ARMC3: variants seen among roughly 807,000 people sequenced by gnomAD.
ARMC3 encodes armadillo repeat-containing protein 3.
ARMC3 carries 74 observed loss-of-function variants against 90.3 expected under a neutral mutation model. That is an observed-to-expected ratio of 0.82 (90% confidence interval 0.68 to 0.99). The LOEUF (loss-of-function observed/expected upper bound fraction) is 0.99, where lower values mean the gene tolerates loss of function less well. Among genes scored for constraint, ARMC3 ranks in the 50% least tolerant of loss-of-function variants. ARMC3 has a pLI of 0.00. For missense variants in ARMC3, 958 were observed against 1,042.8 expected (o/e 0.92, Z 1.12); for synonymous variants, 334 against 361.8 (o/e 0.92, Z 0.87).
intron 4 of ARMC3, among the ~76,000 whole-genome samples, chr10:22,957,544 G>C (rs1834997898): frequency 6.6e-6 from 1 of 152,164 alleles, no homozygotes; most frequent in Non-Finnish European, 1.5e-5. Flanking sequence ...CACCAACTTA[G>C]ACTATGGTAA....
intron 3 of ARMC3, among the ~76,000 whole-genome samples, chr10:22,953,569 A>G (rs1834814798): frequency 6.6e-6 from 1 of 152,188 alleles, no homozygotes; most frequent in Admixed American, 6.5e-5. Flanking sequence ...CCTATGGCTT[A>G]CAACACACTT....
intron 10 of ARMC3, among the ~76,000 whole-genome samples, chr10:22,996,664 CCTCTTCATTACGTTCCTGCCCAGTCA>C (rs1337979995): frequency 6.6e-6 from 1 of 152,122 alleles, no homozygotes; most frequent in Non-Finnish European, 1.5e-5. Context: ...AGCTGCTGTC[CCTCTTCATTACGTTCCTGCCCAGTCA>C]CTGTGGTTCA....
At chr10:22,974,461 A>G (rs1307123896) in intron 8 of ARMC3, among the ~76,000 whole-genome samples, 1 of 152,078 alleles carries the variant, frequency 6.6e-6, no homozygotes, top group African/African-American at 2.4e-5. Context: ...TTATTTTTCT[A>G]TGCTGTTCAT....
At chr10:22,943,663 T>TGGC (rs757416298) in intron 2 of ARMC3, among the ~76,000 whole-genome samples, 2 of 152,286 alleles carry the variant, frequency 1.3e-5, no homozygotes, top group East Asian at 3.9e-4. Flanking sequence ...CCAGGTGAGT[T>TGGC]GGCTCATGCC....
intron 10 of ARMC3, among the ~76,000 whole-genome samples, chr10:22,991,407 A>T (rs892021240): frequency 6.6e-6 from 1 of 151,766 alleles, no homozygotes; most frequent in Non-Finnish European, 1.5e-5. Flanking sequence ...CCCAAAATAC[A>T]GGGAACTTAC....
intron 14 of ARMC3, among the ~76,000 whole-genome samples, chr10:23,007,857 C>A (rs1005546039): frequency 4.6e-5 from 7 of 152,014 alleles, no homozygotes; most frequent in African/African-American, 1.5e-4. Flanking sequence ...TAATCCCAAC[C>A]CTTTGTGAGG....
At chr10:22,971,228 T>A (rs1050050161) in intron 8 of ARMC3, among the ~76,000 whole-genome samples, 2 of 152,296 alleles carry the variant, frequency 1.3e-5, no homozygotes, top group African/African-American at 4.8e-5. Flanking sequence ...CCTCCCTTCT[T>A]AGGGCCAAAG....
chr10:22,938,993 T>G (rs1052090166), intron 2 of ARMC3, among the ~76,000 whole-genome samples: 2 of 152,206 alleles, frequency 1.3e-5, no homozygotes, highest in African/African-American at 4.8e-5. Context: ...TGTGACATGG[T>G]GCTCCCAGAT....
intron 11 of ARMC3, among the ~76,000 whole-genome samples, chr10:23,000,517 C>T (rs1837230460): frequency 2.6e-5 from 4 of 152,116 alleles, no homozygotes; most frequent in Admixed American, 2.6e-4. Context: ...TCCCTGTGTC[C>T]ATGTCATTAA....
intron 7 of ARMC3, among the ~76,000 whole-genome samples, chr10:22,962,288 G>T (rs1055140732): frequency 2.0e-5 from 3 of 152,104 alleles, no homozygotes; most frequent in African/African-American, 7.2e-5. Flanking sequence ...CAGACTTAAG[G>T]TTTTTAAATT....
chr10:22,998,427 A>C, intron 11 of ARMC3, 30 bp downstream of exon 11: 1 of 1,610,876 alleles, frequency 6.2e-7, no homozygotes, highest in Non-Finnish European at 8.5e-7. Context: ...GTGTTCTCTC[A>C]TTTTTCTGGT....
intron 16 of ARMC3, among the ~76,000 whole-genome samples, chr10:23,011,147 A>T (rs751050038): frequency 5.3e-5 from 8 of 152,104 alleles, no homozygotes; most frequent in Admixed American, 2.0e-4. Context: ...AAGAACAAGG[A>T]ATGTTCTAAT....
At chr10:22,928,798 T>G (rs10828375) in intron 1 of ARMC3, among the ~76,000 whole-genome samples, 36,300 of 152,194 alleles carry the variant, frequency 0.24, 5,789 homozygotes, top group African/African-American at 0.45. Context: ...CACTGGAGAT[T>G]ATTAAAGCAA....
intron 1 of ARMC3, among the ~76,000 whole-genome samples, chr10:22,929,544 A>T (rs1046846795): frequency 4.6e-5 from 7 of 152,106 alleles, no homozygotes; most frequent in African/African-American, 1.7e-4. Context: ...GTGATAAAAC[A>T]CATAGGCTTT....
intron 3 of ARMC3, among the ~76,000 whole-genome samples, chr10:22,950,829 C>T (rs1308230077): frequency 6.6e-6 from 1 of 151,132 alleles, no homozygotes; most frequent in East Asian, 1.9e-4. Context: ...GCATTAGTAA[C>T]AGAAATATTA....
At chr10:22,974,215 C>G (rs1303332650) in intron 8 of ARMC3, among the ~76,000 whole-genome samples, 3 of 152,016 alleles carry the variant, frequency 2.0e-5, no homozygotes, top group Non-Finnish European at 4.4e-5. Context: ...AAAAAAAATT[C>G]TGGAGACTCC....
At chr10:22,948,492 C>T (rs1273869749) in intron 3 of ARMC3, among the ~76,000 whole-genome samples, 2 of 151,538 alleles carry the variant, frequency 1.3e-5, no homozygotes, top group Non-Finnish European at 2.9e-5. Flanking sequence ...CTGGCCATGA[C>T]GGACCACTCT....
intron 16 of ARMC3, among the ~76,000 whole-genome samples, chr10:23,018,073 C>T (rs918719410): frequency 6.6e-6 from 1 of 152,166 alleles, no homozygotes; most frequent in Non-Finnish European, 1.5e-5. Flanking sequence ...CATTTATTTG[C>T]ATATCACTGG....
At chr10:22,933,758 G>T (rs555061336) in intron 2 of ARMC3, among the ~76,000 whole-genome samples, 1 of 152,114 alleles carries the variant, frequency 6.6e-6, no homozygotes, top group African/African-American at 2.4e-5. Context: ...GGTGGCAGGC[G>T]CTGGTAGTCC....
Sources: allele counts gnomAD v4.1 joint callset (sites outside exome capture counted in the v4.1 genomes callset), GRCh38; gene constraint gnomAD v4.1.1; transcripts MANE v1.5; gene names NCBI Gene and HGNC (gene_info 2026-07-23, HGNC 2026-07-21).